ATF7IP: variants seen among roughly 807,000 people sequenced by gnomAD.
ATF7IP encodes activating transcription factor 7-interacting protein 1.
Under a neutral mutation model 106.4 loss-of-function variants are expected in ATF7IP, and 23 were observed. That is an observed-to-expected ratio of 0.22 (90% CI 0.16 to 0.31). The LOEUF (loss-of-function observed/expected upper bound fraction) is 0.31. Among genes scored for constraint, ATF7IP ranks in the 10% least tolerant of loss-of-function variants. The probability of loss-of-function intolerance (pLI) is 1.00; values close to 1 mark genes in which losing one functional copy is unlikely to be tolerated. For synonymous variants in ATF7IP, 542 were observed against 539.0 expected (o/e 1.01, Z -0.08); for missense variants, 1,334 against 1,524.3 (o/e 0.88, Z 2.08).
intron 9 of ATF7IP, among the ~76,000 whole-genome samples, chr12:14,461,449 A>G (rs186667967): frequency 3.9e-5 from 6 of 152,280 alleles, no homozygotes; most frequent in Admixed American, 2.6e-4. Flanking sequence ...TTTGCCAGCA[A>G]TATCGTTTAA....
In ATF7IP at chr12:14,496,211, ATTTTTTTGTT is replaced by A. The variant is rs1565561360; in HGVS notation, c.3281-18_3281-9del. 2.0e-6 allele frequency: 3 copies of A among 1,468,198 alleles called. No individual in the cohort carries two copies. The highest frequency in any genetic ancestry group is 1.4e-5 in the African/African-American group (1 of 72,090). The allele number at this position is 1,468,198 out of a possible 1,614,324, so 90.9% of individuals were successfully genotyped here. On this transcript the variant is annotated splice_polypyrimidine_tract_variant and intron_variant, in intron 13 of 14. Coordinates refer to ENST00000261168, the MANE Select transcript of ATF7IP (RefSeq NM_018179.5). ...AATAGAATTATCATTTTATCCTGTA[ATTTTTTTGTT>A]TGTTTGTAGGTGTTACAGTTCGAGT...
intron 1 of ATF7IP, among the ~76,000 whole-genome samples, chr12:14,382,053 A>G (rs1000085915): frequency 6.6e-6 from 1 of 152,182 alleles, no homozygotes; most frequent in African/African-American, 2.4e-5. Flanking sequence ...TTTAAAAATT[A>G]GCCAGTTGTG....
intron 9 of ATF7IP, 66 bp downstream of exon 9, chr12:14,461,199 T>A (rs1433226803): frequency 6.5e-6 from 9 of 1,394,160 alleles, no homozygotes. Flanking sequence ...ATGATTGAAC[T>A]TTTTTTTTCT....
At chr12:14,432,466 A>G (rs1341073486) in intron 2 of ATF7IP, among the ~76,000 whole-genome samples, 1 of 152,230 alleles carries the variant, frequency 6.6e-6, no homozygotes, top group Admixed American at 6.5e-5. Flanking sequence ...AGGTCTTAAA[A>G]CACTTAAAAT....
At chr12:14,396,287 C>A (rs76296888) in intron 1 of ATF7IP, among the ~76,000 whole-genome samples, 2 of 152,000 alleles carry the variant, frequency 1.3e-5, no homozygotes, top group Admixed American at 6.5e-5. Flanking sequence ...GGTGGGACTT[C>A]CAGTTCTCTA....
At chr12:14,459,535 A>G (rs780171196) in intron 8 of ATF7IP, among the ~76,000 whole-genome samples, 3 of 152,226 alleles carry the variant, frequency 2.0e-5, no homozygotes, top group Non-Finnish European at 2.9e-5. Context: ...AAGCATCAGA[A>G]GTTTTACTTA....
chr12:14,386,624 A>T (rs1939255512), intron 1 of ATF7IP, among the ~76,000 whole-genome samples: 1 of 152,130 alleles, frequency 6.6e-6, no homozygotes, highest in South Asian at 2.1e-4. Context: ...ACAAAAGGAC[A>T]CGTGATATTT....
chr12:14,415,948 T>A (rs1941180526), intron 1 of ATF7IP, among the ~76,000 whole-genome samples: 1 of 152,098 alleles, frequency 6.6e-6, no homozygotes, highest in South Asian at 2.1e-4. Flanking sequence ...CTGGGACCAG[T>A]CTCCCACAAA....
intron 10 of ATF7IP, among the ~76,000 whole-genome samples, chr12:14,470,504 C>T (rs983967553): frequency 1.3e-5 from 2 of 152,090 alleles, no homozygotes; most frequent in African/African-American, 4.8e-5. Flanking sequence ...TATATGTATA[C>T]ATGTCTCTGT....
At chr12:14,489,393 C>A (rs1451342026) in intron 13 of ATF7IP, among the ~76,000 whole-genome samples, 1 of 152,154 alleles carries the variant, frequency 6.6e-6, no homozygotes, top group African/African-American at 2.4e-5. Flanking sequence ...TTAATGGAAT[C>A]ATTTTGTCTC....
chr12:14,399,346 T>C (rs544635443), intron 1 of ATF7IP, among the ~76,000 whole-genome samples: 1 of 152,250 alleles, frequency 6.6e-6, no homozygotes, highest in East Asian at 1.9e-4. Context: ...TATTGTTTTT[T>C]TTTTAGCTTT....
At chr12:14,444,168 A>T (rs1288170865) in intron 5 of ATF7IP, among the ~76,000 whole-genome samples, 2 of 152,202 alleles carry the variant, frequency 1.3e-5, no homozygotes, top group Non-Finnish European at 2.9e-5. Flanking sequence ...GTTGGTTATG[A>T]CTTAGAAAAT....
In ATF7IP at chr12:14,408,552, T is replaced by C. The variant is rs1421501743; in HGVS notation, c.-7-15357T>C. 2.6e-5 allele frequency: 4 copies of C among 152,274 alleles called. No homozygotes were observed. The East Asian group carries it at 7.7e-4, about 29-fold the overall frequency. 9.4% of individuals were successfully genotyped at this position (152,274 alleles called of 1,614,324 possible). A position where few individuals can be genotyped will look rare whatever the true frequency, so the allele number is the denominator to read the frequency against. On this transcript the variant is annotated intron_variant, in intron 1 of 14. Transcript: ENST00000261168. ...CAGGGGGCTCCCTTTGGGGTATGTT[T>C]TTTATTTTAAAGAGGGTTTTCATCA... is the stretch of plus-strand genomic sequence containing the variant.
At position 14,475,952 on chromosome 12, in the gene ATF7IP, G is replaced by A. The variant is rs1440874121; in HGVS notation, c.2925G>A (p.Glu975=). The change falls in exon 11 of 15, where the codon GAG becomes GAA. Residue 975 remains glutamate (E), a synonymous_variant. Coordinates refer to ENST00000261168, the MANE Select transcript of ATF7IP (RefSeq NM_018179.5). ...TTGATCTCACAATGGATGATGAAGA[G>A]AGTGGAGCTTCACAAGGTACTTCAA... ...GVIDLTMDDE[E]SGASQDPKKL... 2.5e-6 allele frequency: 4 copies of A among 1,613,610 alleles called. No homozygotes were observed. Among genetic ancestry groups the A allele is most frequent in the Admixed American group, 1.7e-5 (1 of 60,014 alleles).
chr12:14,400,100 A>G (rs1024966167), intron 1 of ATF7IP, among the ~76,000 whole-genome samples: 1 of 152,224 alleles, frequency 6.6e-6, no homozygotes, highest in African/African-American at 2.4e-5. Context: ...TCAAATACCA[A>G]TTACATGAGT....
At chr12:14,473,941 A>G (rs1000065155) in intron 10 of ATF7IP, among the ~76,000 whole-genome samples, 45 of 151,496 alleles carry the variant, frequency 3.0e-4, no homozygotes, top group African/African-American at 1.1e-3. Flanking sequence ...TATTTTCAAA[A>G]TTTTTCATTA....
intron 1 of ATF7IP, chr12:14,423,691 C>A: frequency 3.1e-6 from 1 of 323,778 alleles, no homozygotes; most frequent in Non-Finnish European, 5.3e-6. Flanking sequence ...CTAATACTTT[C>A]TAGTTGATTT....
At chr12:14,491,385 C>G (rs1748555702) in intron 13 of ATF7IP, among the ~76,000 whole-genome samples, 2 of 152,180 alleles carry the variant, frequency 1.3e-5, no homozygotes, top group African/African-American at 4.8e-5. Context: ...TGTTGACAGG[C>G]CCCACATCAC....
chr12:14,491,609 A>G (rs1439610001), intron 13 of ATF7IP, among the ~76,000 whole-genome samples: 1 of 152,232 alleles, frequency 6.6e-6, no homozygotes, highest in Non-Finnish European at 1.5e-5. Flanking sequence ...TAAGATTATG[A>G]CACAAAGCTG....
Sources: allele counts gnomAD v4.1 joint callset (sites outside exome capture counted in the v4.1 genomes callset), GRCh38; gene constraint gnomAD v4.1.1; transcripts MANE v1.5; gene names NCBI Gene and HGNC (gene_info 2026-07-23, HGNC 2026-07-21).